Variants in DSG2 observed in about 807,000 individuals in gnomAD.
DSG2 encodes the protein desmoglein-2.
A neutral mutation model predicts 75.6 loss-of-function variants in DSG2; 45 were observed. That is an observed-to-expected ratio of 0.60 (90% CI 0.47 to 0.76). The LOEUF is 0.76. DSG2 is among the 30% of genes least tolerant of loss of function. DSG2 has a pLI of 0.00. For synonymous variants in DSG2, 429 were observed against 483.9 expected (o/e 0.89, Z 1.49); for missense variants, 1,267 against 1,357.4 (o/e 0.93, Z 1.05).
At chr18:31,537,708 C>T (rs2073239884) in intron 11 of DSG2, among the ~76,000 whole-genome samples, 2 of 151,910 alleles carry the variant, frequency 1.3e-5, no homozygotes, top group Non-Finnish European at 2.9e-5. Flanking sequence ...AGAATATTAT[C>T]AATAACAAGT....
In DSG2 at chr18:31,536,324, A is replaced by G; in HGVS notation, c.1546A>G (p.Thr516Ala). The change falls in exon 11 of 15, where the codon ACT becomes GCT. Residue 516 changes from threonine to alanine, a missense_variant. Thr to Ala is a moderately conservative substitution (Grantham distance 58). Coordinates refer to ENST00000261590, the MANE Select transcript of DSG2 (RefSeq NM_001943.5). The stretch of plus-strand genomic sequence containing the variant: ...TCACGATGCAGAGTATGTGAATGTT[A>G]CTGCAGAGGACCTGGATGGACACCC... ...ICHDAEYVNV[T>A]AEDLDGHPNS... 6.2e-7 allele frequency: 1 copy of G among 1,614,214 alleles called. No homozygotes were observed. The highest frequency in any genetic ancestry group is 8.5e-7 in the Non-Finnish European group (1 of 1,180,034).
intron 8 of DSG2, among the ~76,000 whole-genome samples, chr18:31,527,684 A>G (rs1224629716): frequency 6.6e-5 from 10 of 152,238 alleles, no homozygotes; most frequent in African/African-American, 2.4e-4. Context: ...AAACTATAAG[A>G]GATACCACTT....
chr18:31,522,633 AAT>A (rs1479103772), intron 6 of DSG2: 1 of 172,944 alleles, frequency 5.8e-6, no homozygotes, highest in African/African-American at 2.4e-5. Flanking sequence ...TTCTTTTTAA[AAT>A]GTGGCTACTA....
At chr18:31,499,565 G>A (rs563558415) in intron 1 of DSG2, among the ~76,000 whole-genome samples, 1 of 152,218 alleles carries the variant, frequency 6.6e-6, no homozygotes, top group South Asian at 2.1e-4. Context: ...TCATTTTGTT[G>A]ACAAAACTTT....
rs1273122919 is a variant in DSG2 at position 31,544,304 on chromosome 18, TG to T, written c.2335-1416del. ...ACTGCAGTCATACAATGTACTTTGA[TG>T]AAAAAAAAATTAAAACCAGAGATCA... On this transcript the variant is annotated intron_variant, in intron 14 of 14. Transcript: ENST00000261590. Among the ~76,000 whole-genome samples, 3 of 151,788 alleles carry T rather than the reference TG, an allele frequency of 2.0e-5. No individual in the cohort carries two copies. The East Asian group carries it at 5.8e-4, about 29-fold the overall frequency.
intron 1 of DSG2, among the ~76,000 whole-genome samples, chr18:31,513,460 C>A (rs1476943167): frequency 1.3e-5 from 2 of 152,162 alleles, no homozygotes; most frequent in Admixed American, 6.5e-5. Flanking sequence ...CTAAACCAGC[C>A]AATATCAAAG....
chr18:31,501,616 C>T (rs2073014275), intron 1 of DSG2, among the ~76,000 whole-genome samples: 1 of 152,170 alleles, frequency 6.6e-6, no homozygotes, highest in South Asian at 2.1e-4. Flanking sequence ...ATTCATTACT[C>T]CAATCCTCCA....
Position 31,544,859 on chromosome 18 carries a change from A to G in DSG2, c.2335-862A>G, listed in dbSNP as rs150333010. Among the ~76,000 whole-genome samples, 409 of 152,252 alleles carry G rather than the reference A, an allele frequency of 2.7e-3. 4 individuals carry two copies. The highest frequency in any genetic ancestry group is 8.9e-3 in the African/African-American group (371 of 41,554). On this transcript the variant is annotated intron_variant, in intron 14 of 14. Transcript: ENST00000261590. ...CAGAGTTGGAATATAAGGCATCTGA[A>G]GGGCCCTAGAGAGGAGTAAGGGGAG... is the stretch of plus-strand genomic sequence containing the variant.
chr18:31,522,010 A>G, intron 5 of DSG2, 73 bp from the exon 6 acceptor site: 1 of 1,442,792 alleles, frequency 6.9e-7, no homozygotes, highest in South Asian at 1.2e-5. Context: ...ACAAGCTAAA[A>G]TTATAAATAA....
chr18:31,535,123 T>C (rs1398117941), intron 9 of DSG2, 147 bp from the exon 10 acceptor site: 25 of 650,532 alleles, frequency 3.8e-5, no homozygotes, highest in South Asian at 2.0e-5. Context: ...TTTAGGATGG[T>C]TTTGCAAAAT....
intron 1 of DSG2, among the ~76,000 whole-genome samples, chr18:31,514,393 T>A (rs1056011472): frequency 2.0e-4 from 31 of 152,238 alleles, no homozygotes; most frequent in African/African-American, 7.0e-4. Context: ...TCTGCTTTTA[T>A]ACATGTTTGC....
At chr18:31,524,179 A>G (rs757998227) in intron 6 of DSG2, among the ~76,000 whole-genome samples, 8 of 152,224 alleles carry the variant, frequency 5.3e-5, no homozygotes, top group East Asian at 1.9e-4. Context: ...TACATTTTCA[A>G]TAGTGGCTCC....
intron 8 of DSG2, among the ~76,000 whole-genome samples, chr18:31,528,439 C>T (rs1419524114): frequency 6.6e-6 from 1 of 152,006 alleles, no homozygotes; most frequent in African/African-American, 2.4e-5. Flanking sequence ...GGGCTGGGCA[C>T]GGTGGCTCCC....
Position 31,542,582 on chromosome 18 carries a change from A to G in DSG2, c.2064A>G (p.Gly688=). ...GGSLVGRNGV[G]GMAKEATMKG... ...GTCTAGTAGGAAGAAATGGAGTAGG[A>G]GGTATGGCCAAGGAAGCCACGATGA... The change falls in exon 14 of 15, where the codon GGA becomes GGG. Residue 688 remains glycine (G), a synonymous_variant. Transcript: ENST00000261590. 1.2e-6 allele frequency: 2 copies of G among 1,614,076 alleles called. No homozygotes were observed. Among genetic ancestry groups the G allele is most frequent in the Non-Finnish European group, 1.7e-6 (2 of 1,180,000 alleles).
Position 31,536,328 on chromosome 18 carries a change from C to T in DSG2, c.1550C>T (p.Ala517Val), listed in dbSNP as rs200509948. 501 of 1,614,190 alleles carry T rather than the reference C, an allele frequency of 3.1e-4. 3 individuals carry two copies. In the African/African-American group the frequency reaches 5.9e-3, roughly 19 times the overall value. Residue 517 changes from alanine to valine, a missense_variant, in exon 11 of 15, where the codon GCA (alanine) becomes GTA (valine). Physicochemically the swap from Ala to Val is moderately conservative, Grantham distance 64 (BLOSUM62 0). Transcript: ENST00000261590. ...GATGCAGAGTATGTGAATGTTACTG[C>T]AGAGGACCTGGATGGACACCCAAAC... is the stretch of plus-strand genomic sequence containing the variant. ...CHDAEYVNVTAEDLDGHPNSG... is the reference protein window; with the variant it reads ...CHDAEYVNVTVEDLDGHPNSG...
intron 2 of DSG2, among the ~76,000 whole-genome samples, chr18:31,518,493 G>C (rs2073107136): frequency 6.6e-6 from 1 of 152,118 alleles, no homozygotes; most frequent in African/African-American, 2.4e-5. Flanking sequence ...ACCATTTATG[G>C]TACATGAAAG....
At chr18:31,521,993 T>C in intron 5 of DSG2, 90 bp from the exon 6 acceptor site, 2 of 1,294,698 alleles carry the variant, frequency 1.5e-6, no homozygotes, top group Non-Finnish European at 2.2e-6. Context: ...CTGAAATCTT[T>C]TTTGGAACAA....
At chr18:31,530,775 A>G (rs2073191441) in intron 8 of DSG2, among the ~76,000 whole-genome samples, 1 of 152,160 alleles carries the variant, frequency 6.6e-6, no homozygotes, top group Non-Finnish European at 1.5e-5. Context: ...AATTGGTAAT[A>G]CTTCCTAAAC....
At chr18:31,521,587 C>T (rs981638473) in intron 5 of DSG2, among the ~76,000 whole-genome samples, 1 of 152,106 alleles carries the variant, frequency 6.6e-6, no homozygotes, top group South Asian at 2.1e-4. Context: ...GGCTGGTTAG[C>T]TTTGGCCCTA....
Sources: allele counts gnomAD v4.1 joint callset (sites outside exome capture counted in the v4.1 genomes callset), GRCh38; gene constraint gnomAD v4.1.1; transcripts MANE v1.5; gene names NCBI Gene and HGNC (gene_info 2026-07-23, HGNC 2026-07-21).